The following GBP4 variants were observed in gnomAD, a reference collection of about 807,000 sequenced individuals.
The protein encoded by GBP4 is guanylate binding protein 4.
A neutral mutation model predicts 62.2 loss-of-function variants in GBP4; 69 were observed. The ratio of observed to expected loss-of-function variants is 1.11; its 90% CI spans 0.91 to 1.36. GBP4 has a LOEUF of 1.36. Ranked by LOEUF, GBP4 falls within the 40% of genes most tolerant of loss-of-function variation. The pLI, the probability that GBP4 is intolerant of heterozygous loss-of-function variation, is 0.00. For missense variants in GBP4, 697 were observed against 759.3 expected (o/e 0.92, Z 0.96); for synonymous variants, 278 against 274.6 (o/e 1.01, Z -0.12).
chr1:89,189,374 G>A (rs1049732741), intron 7 of GBP4, among the ~76,000 whole-genome samples: 5 of 152,172 alleles, frequency 3.3e-5, no homozygotes, highest in Admixed American at 1.3e-4. Flanking sequence ...GAGACAGACT[G>A]AAAGACAAAC....
intron 6 of GBP4, among the ~76,000 whole-genome samples, 154 bp downstream of exon 6, chr1:89,191,107 T>C (rs776364038): frequency 2.4e-4 from 36 of 152,226 alleles, no homozygotes; most frequent in Non-Finnish European, 4.7e-4. Flanking sequence ...TAAACTTTAA[T>C]TAAGAAACAT....
chr1:89,186,555 G>A lies in GBP4; in HGVS notation c.1514-29C>T, dbSNP rs376591700. On this transcript the variant is annotated intron_variant, in intron 9 of 10. Coordinates refer to ENST00000355754, the MANE Select transcript of GBP4 (RefSeq NM_052941.5). ...TTCCACAAAGGTTTTAGAGAGGGAA[G>A]AAAATGACAGTTATTCCTGAGTTCT... 31 of 1,599,940 alleles carry A rather than the reference G, an allele frequency of 1.9e-5. No individual in the cohort carries two copies. In the African/African-American group the frequency reaches 3.9e-4, roughly 20 times the overall value.
Position 89,184,951 on chromosome 1 carries a change from G to A in GBP4, c.*303C>T, listed in dbSNP as rs1570371281. ...TATTTCTGTGACTATAATATAAATT[G>A]CAAATGGTTAATGGCTTCTTAATCT... On this transcript the variant is annotated 3_prime_UTR_variant, in exon 11 of 11. Transcript: ENST00000355754. The A allele has an allele frequency of 4.6e-6, 1 of 218,260 alleles. No individual in the cohort carries two copies. The highest frequency in any genetic ancestry group is 1.1e-4 in the East Asian group (1 of 9,050). 13.5% of individuals were successfully genotyped at this position (218,260 alleles called of 1,614,324 possible). A position where few individuals can be genotyped will look rare whatever the true frequency, so the allele number is the denominator to read the frequency against.
intron 5 of GBP4, among the ~76,000 whole-genome samples, chr1:89,192,079 A>G (rs1365499189): frequency 3.3e-5 from 5 of 152,358 alleles, no homozygotes; most frequent in African/African-American, 1.2e-4. Flanking sequence ...ATACAGATAT[A>G]ACTTGGAGAC....
intron 3 of GBP4, 149 bp from the exon 4 acceptor site, chr1:89,193,561 A>G: frequency 4.7e-6 from 3 of 641,406 alleles, no homozygotes; most frequent in Non-Finnish European, 8.1e-6. Flanking sequence ...TTCAAACTTC[A>G]TATTTAGATT....
In GBP4 at chr1:89,181,664, C is replaced by T. The variant is rs976449829; in HGVS notation, c.*3590G>A. ...ACATTAAAATTTTGATATACAATTC[C>T]AACAGATCACTCTCACTAGCCAATA... On this transcript the variant is annotated 3_prime_UTR_variant, in exon 11 of 11. Coordinates refer to ENST00000355754, the MANE Select transcript of GBP4 (RefSeq NM_052941.5). The T allele has an allele frequency of 1.3e-5, 2 of 151,870 alleles. No homozygotes were observed. The highest frequency in any genetic ancestry group is 4.8e-5 in the African/African-American group (2 of 41,312). The allele number at this position is 151,870 out of a possible 1,614,324, so 9.4% of individuals were successfully genotyped here.
rs1648056139 is a variant in GBP4, at chr1:89,187,079, G to A, written c.1434C>T (p.Phe478=). 7 of 1,614,016 alleles carry A rather than the reference G, an allele frequency of 4.3e-6. No homozygotes were observed. The highest frequency in any genetic ancestry group is 3.3e-5 in the Admixed American group (2 of 60,008). Residue 478 remains phenylalanine (F), a synonymous_variant, in exon 9 of 11, where the codon TTC becomes TTT. Transcript: ENST00000355754. ...GVKANEVLQN[F]LQSQVVVEES... ...CCTCTACAACCACCTGTGACTGCAGGAAGTTCTGGAGGACCTCGTTTGCCT... is the reference window on the plus strand; with the variant it reads ...CCTCTACAACCACCTGTGACTGCAGAAAGTTCTGGAGGACCTCGTTTGCCT...
intron 10 of GBP4, among the ~76,000 whole-genome samples, 160 bp downstream of exon 10, chr1:89,186,173 C>T (rs1039130605): frequency 3.3e-5 from 5 of 152,180 alleles, no homozygotes; most frequent in Admixed American, 6.5e-5. Flanking sequence ...TGTAGACTTT[C>T]GGGCTTCAGT....
Position 89,193,331 on chromosome 1 carries a change from T to A in GBP4, c.445A>T (p.Ile149Phe), listed in dbSNP as rs904938437. 6.2e-7 allele frequency: 1 copy of A among 1,614,034 alleles called. No homozygotes were observed. Among genetic ancestry groups the A allele is most frequent in the African/African-American group, 1.3e-5 (1 of 74,934 alleles). Residue 149 changes from isoleucine (I) to phenylalanine (F), a missense_variant, in exon 4 of 11, where the codon ATC becomes TTC. By Grantham distance (21) the Ile-to-Phe change is conservative. This residue lies in a region of GBP4 where 556 missense variants were observed against 562.7 expected (regional missense o/e 0.99). Transcript: ENST00000355754. ...AGCTGCTCCAGGGCCTGGTGGTTGA[T>A]GGTGCTCACGCTGTTATAGACAAAG... The part of the protein sequence containing the change: ...SSFVYNSVST[I>F]NHQALEQLHY...
chr1:89,186,063 C>T lies in GBP4; in HGVS notation c.1707+270G>A, dbSNP rs2100673203. Among the ~76,000 whole-genome samples the T allele has an allele frequency of 2.0e-5, 3 of 152,290 alleles. 1 individual carries two copies. The Middle Eastern group carries it at 0.01, about 518-fold the overall frequency. On this transcript the variant is annotated intron_variant, in intron 10 of 10. Transcript: ENST00000355754. ...ACTAAGGTCCTATTTCATTGGGGCA[C>T]AGTGAGACCATCCTGTAGTCACCAC...
At chr1:89,188,357 G>A (rs949638243) in intron 8 of GBP4, among the ~76,000 whole-genome samples, 6 of 152,178 alleles carry the variant, frequency 3.9e-5, no homozygotes, top group African/African-American at 1.2e-4. Flanking sequence ...TAATAAATGG[G>A]TTGTTTCATC....
chr1:89,197,072 T>C, intron 2 of GBP4, 38 bp downstream of exon 2: 1 of 1,559,382 alleles, frequency 6.4e-7, no homozygotes, highest in Non-Finnish European at 8.7e-7. Context: ...TTATCACTGG[T>C]TCCAAGTAAA....
intron 5 of GBP4, among the ~76,000 whole-genome samples, chr1:89,192,573 G>A (rs988187730): frequency 2.6e-5 from 4 of 152,142 alleles, no homozygotes; most frequent in African/African-American, 9.7e-5. Flanking sequence ...AGCATTTGAA[G>A]CTAATAAGTA....
At chr1:89,186,207 T>C (rs890325607) in intron 10 of GBP4, 126 bp downstream of exon 10, 1 of 724,554 alleles carries the variant, frequency 1.4e-6, no homozygotes, top group African/African-American at 1.7e-5. Context: ...ATTTGAGATT[T>C]TAGTGAAACA....
rs1647880573 is a variant in GBP4, at chr1:89,181,546, T to C, written c.*3708A>G. ...CTAAATAGATATAAAATATATTTAC[T>C]AACTATAAGTATATATTTACTAAAC... On this transcript the variant is annotated 3_prime_UTR_variant, in exon 11 of 11. Coordinates refer to ENST00000355754, the MANE Select transcript of GBP4 (RefSeq NM_052941.5). 1 of 152,050 alleles carries C rather than the reference T, an allele frequency of 6.6e-6. No homozygotes were observed. The allele number at this position is 152,050 out of a possible 1,614,324, so 9.4% of individuals were successfully genotyped here. A position where few individuals can be genotyped will look rare whatever the true frequency, so the allele number is the denominator to read the frequency against.
intron 1 of GBP4, 43 bp downstream of exon 1, chr1:89,198,752 A>G (rs774947282): frequency 3.2e-6 from 5 of 1,556,812 alleles, no homozygotes; most frequent in Non-Finnish European, 3.5e-6. Context: ...TGTTTGTTAT[A>G]ACCCAAATAT....
chr1:89,193,225 C>T, intron 4 of GBP4, 78 bp downstream of exon 4: 2 of 1,536,654 alleles, frequency 1.3e-6, no homozygotes, highest in Non-Finnish European at 1.8e-6. Context: ...ACAACTGAGT[C>T]ACAGCAAAGA....
intron 3 of GBP4, among the ~76,000 whole-genome samples, chr1:89,194,661 T>C (rs1203344863): frequency 6.6e-6 from 1 of 152,194 alleles, no homozygotes; most frequent in Non-Finnish European, 1.5e-5. Flanking sequence ...TAAAGTTATC[T>C]CACTTACAAT....
Position 89,190,185 on chromosome 1 carries a change from G to C in GBP4, c.1050C>G (p.Ser350Arg). The C allele has an allele frequency of 6.2e-7, 1 of 1,614,182 alleles. No homozygotes were observed. Among genetic ancestry groups the C allele is most frequent in the Non-Finnish European group, 8.5e-7 (1 of 1,180,026 alleles). The change falls in exon 7 of 11, where the codon AGC (serine) becomes AGG (arginine). Residue 350 changes from serine (S) to arginine (R), a missense_variant. By Grantham distance (110) the Ser-to-Arg change is moderately radical (BLOSUM62 -1). Around this residue, in one of 2 missense-constraint regions of GBP4, gnomAD observed 556 missense variants for 562.7 expected, o/e 0.99. Transcript: ENST00000355754. ...GCCTCAGTTGCTGGGCCATCTGCTGGCTATAGTGGTCGGCTGCCCTCTGCA... is the reference window on the plus strand; with the variant it reads ...GCCTCAGTTGCTGGGCCATCTGCTGCCTATAGTGGTCGGCTGCCCTCTGCA... The part of the protein sequence containing the change: ...AAVQRAADHY[S>R]QQMAQQLRLP...
Sources: allele counts gnomAD v4.1 joint callset (sites outside exome capture counted in the v4.1 genomes callset), GRCh38; gene constraint gnomAD v4.1.1; regional missense constraint gnomAD v4.1.1; transcripts MANE v1.5; gene names NCBI Gene and HGNC (gene_info 2026-07-23, HGNC 2026-07-21).